PDE2A: variants seen among roughly 807,000 people sequenced by gnomAD.
PDE2A encodes the protein cGMP-dependent 3',5'-cyclic phosphodiesterase.
In PDE2A, 53 loss-of-function variants were observed where a neutral mutation model predicts 133.6. That is an observed-to-expected ratio of 0.40 (90% CI 0.32 to 0.50). The LOEUF (loss-of-function observed/expected upper bound fraction) is 0.50. PDE2A is among the 20% of genes least tolerant of loss of function. The pLI, the probability that PDE2A is intolerant of heterozygous loss-of-function variation, is 0.73. For synonymous variants in PDE2A, 491 were observed against 490.2 expected (o/e 1.00, Z -0.02); for missense variants, 796 against 1,232.4 (o/e 0.65, Z 5.30).
At chr11:72,632,815 C>G (rs236034) in intron 2 of PDE2A, among the ~76,000 whole-genome samples, 2,638 of 152,050 alleles carry the variant, frequency 0.017, 78 homozygotes, top group African/African-American at 0.061. Context: ...TTCCCTCCCC[C>G]CAGCAGAGGC....
chr11:72,618,168 C>G (rs970057861), intron 2 of PDE2A, among the ~76,000 whole-genome samples: 1 of 152,240 alleles, frequency 6.6e-6, no homozygotes, highest in Non-Finnish European at 1.5e-5. Context: ...CTCGTGGTCA[C>G]CTTACCTCAT....
chr11:72,673,991 CGG>C, intron 1 of PDE2A, 144 bp downstream of exon 1: 1 of 760,342 alleles, frequency 1.3e-6, no homozygotes, highest in Non-Finnish European at 2.1e-6. Context: ...TCTGGCAACG[CGG>C]GGAGGAGGGG....
In PDE2A at chr11:72,585,585, G is replaced by T; in HGVS notation, c.1191C>A (p.Leu397=). ...GGGTGAAGAGGTTCTTTGCCACTTG[G>T]AGAAGAGCCTGGAATGAAGGAAATG... is the stretch of plus-strand genomic sequence containing the variant. ...QKLKCECQAL[L]QVAKNLFTHL... Residue 397 remains leucine (L), a synonymous_variant, in exon 15 of 31, where the codon CTC becomes CTA. Coordinates refer to ENST00000334456, the MANE Select transcript of PDE2A (RefSeq NM_002599.5). 6.2e-7 allele frequency: 1 copy of T among 1,614,082 alleles called. No individual in the cohort carries two copies. Among genetic ancestry groups the T allele is most frequent in the Non-Finnish European group, 8.5e-7 (1 of 1,179,960 alleles).
intron 1 of PDE2A, among the ~76,000 whole-genome samples, chr11:72,655,173 C>T (rs1854859282): frequency 6.6e-6 from 1 of 152,238 alleles, no homozygotes; most frequent in Non-Finnish European, 1.5e-5. Flanking sequence ...CACTCAGAGA[C>T]TGTGCTGCTG....
Position 72,642,248 on chromosome 11 carries a change from C to G in PDE2A, c.144+6G>C. The G allele has an allele frequency of 6.6e-7, 1 of 1,520,334 alleles. No homozygotes were observed. Among genetic ancestry groups the G allele is most frequent in the Non-Finnish European group, 8.8e-7 (1 of 1,136,092 alleles). The allele number at this position is 1,520,334 out of a possible 1,614,324, so 94.2% of individuals were successfully genotyped here. Reference sequence around the variant, plus strand: ...CTCCTGGTGCCCAGCGCGGGGGCCCCCCTACCTGCAGGCTGTCGGCGCATG... The same window carrying G: ...CTCCTGGTGCCCAGCGCGGGGGCCCGCCTACCTGCAGGCTGTCGGCGCATG... On this transcript the variant is annotated splice_donor_region_variant and intron_variant, in intron 2 of 30. Transcript: ENST00000334456.
chr11:72,654,526 G>T (rs1854838808), intron 1 of PDE2A, among the ~76,000 whole-genome samples: 1 of 152,022 alleles, frequency 6.6e-6, no homozygotes, highest in Non-Finnish European at 1.5e-5. Flanking sequence ...GAGAGTGTGG[G>T]GTGGCCTGGG....
intron 4 of PDE2A, among the ~76,000 whole-genome samples, chr11:72,601,900 A>G (rs1314681641): frequency 6.6e-6 from 1 of 152,098 alleles, no homozygotes. Context: ...GGGCATATGG[A>G]GGCCCAGGAA....
At chr11:72,661,836 T>G (rs1179638809) in intron 1 of PDE2A, among the ~76,000 whole-genome samples, 2 of 152,212 alleles carry the variant, frequency 1.3e-5, no homozygotes, top group African/African-American at 2.4e-5. Context: ...CATATCTAGA[T>G]GTGTATACCT....
chr11:72,670,694 T>C (rs1855365433), intron 1 of PDE2A, among the ~76,000 whole-genome samples: 1 of 152,164 alleles, frequency 6.6e-6, no homozygotes, highest in Non-Finnish European at 1.5e-5. Flanking sequence ...CCTAGATGTG[T>C]TCTTGCCACT....
At chr11:72,650,877 AC>A (rs1854719225) in intron 1 of PDE2A, among the ~76,000 whole-genome samples, 2 of 5,840 alleles carry the variant, frequency 3.4e-4, no homozygotes, top group Non-Finnish European at 5.7e-4. Context: ...AGTCCCCACT[AC>A]ACACACACAC....
At chr11:72,666,077 T>C (rs1415964623) in intron 1 of PDE2A, among the ~76,000 whole-genome samples, 1 of 152,094 alleles carries the variant, frequency 6.6e-6, no homozygotes, top group Non-Finnish European at 1.5e-5. Context: ...TCTCACAGCA[T>C]GCAGAAGCTC....
chr11:72,624,210 T>C (rs1857930934), intron 2 of PDE2A, among the ~76,000 whole-genome samples: 1 of 152,162 alleles, frequency 6.6e-6, no homozygotes, highest in African/African-American at 2.4e-5. Context: ...CTTGAACTCC[T>C]GACCTCAGGT....
intron 6 of PDE2A, among the ~76,000 whole-genome samples, chr11:72,595,473 C>T (rs1330106494): frequency 2.0e-5 from 3 of 152,142 alleles, no homozygotes; most frequent in African/African-American, 7.2e-5. Flanking sequence ...CTCCCTCAGT[C>T]AGGAAGATGG....
At chr11:72,592,303 C>G (rs2135311761) in intron 6 of PDE2A, among the ~76,000 whole-genome samples, 1 of 152,340 alleles carries the variant, frequency 6.6e-6, no homozygotes, top group South Asian at 2.1e-4. Flanking sequence ...CCCACAGCGC[C>G]TGCACTGGGG....
At chr11:72,626,705 C>T (rs1418787729) in intron 2 of PDE2A, among the ~76,000 whole-genome samples, 1 of 152,200 alleles carries the variant, frequency 6.6e-6, no homozygotes, top group African/African-American at 2.4e-5. Flanking sequence ...GCGGCAATGG[C>T]AATACCCCCT....
rs1157503691 is a variant in PDE2A at position 72,591,277 on chromosome 11, A to G, written c.549+20T>C. The G allele has an allele frequency of 1.2e-6, 2 of 1,605,314 alleles. No individual in the cohort carries two copies. The highest frequency in any genetic ancestry group is 3.3e-4 in the Middle Eastern group (2 of 6,040). ...ATAAGGGTCTTCAGCCTCATTGCAC[A>G]TGGCCCCACTCCCACTCACATGCTT... On this transcript the variant is annotated intron_variant, in intron 7 of 30. Transcript: ENST00000334456.
Position 72,577,260 on chromosome 11 carries a change from C to T in PDE2A, c.*124G>A. 1.5e-6 allele frequency: 1 copy of T among 671,468 alleles called. No individual in the cohort carries two copies. 41.6% of individuals were successfully genotyped at this position (671,468 alleles called of 1,614,324 possible). A position where few individuals can be genotyped will look rare whatever the true frequency, so the allele number is the denominator to read the frequency against. ...TGAGGCCCAGGAAGGTAGTACTTGT[C>T]CAGGGTCACACAGGAAGTCCTGGTC... On this transcript the variant is annotated 3_prime_UTR_variant, in exon 31 of 31. Coordinates refer to ENST00000334456, the MANE Select transcript of PDE2A (RefSeq NM_002599.5).
At chr11:72,593,007 C>A (rs1365727072) in intron 6 of PDE2A, among the ~76,000 whole-genome samples, 1 of 152,030 alleles carries the variant, frequency 6.6e-6, no homozygotes, top group Non-Finnish European at 1.5e-5. Context: ...CTGGTCCCAT[C>A]TCTCAAGAAT....
At position 72,642,492 on chromosome 11, in the gene PDE2A, C is replaced by T. The variant is rs1277737990; in HGVS notation, c.72-166G>A. On this transcript the variant is annotated intron_variant, in intron 1 of 30. Coordinates refer to ENST00000334456, the MANE Select transcript of PDE2A (RefSeq NM_002599.5). ...CCCGGCCCCGCCCCGGCCCGCCCCC[C>T]GCCCGCCCCCGGCCCGCCCCGGCCC... 7 of 691,426 alleles carry T rather than the reference C, an allele frequency of 1.0e-5. No homozygotes were observed. The East Asian group carries it at 8.2e-4, about 81-fold the overall frequency. The allele number at this position is 691,426 out of a possible 1,614,324, so 42.8% of individuals were successfully genotyped here. A position where few individuals can be genotyped will look rare whatever the true frequency, so the allele number is the denominator to read the frequency against.
Sources: allele counts gnomAD v4.1 joint callset (sites outside exome capture counted in the v4.1 genomes callset), GRCh38; gene constraint gnomAD v4.1.1; transcripts MANE v1.5; gene names NCBI Gene and HGNC (gene_info 2026-07-23, HGNC 2026-07-21).